C8orf34: variants seen among roughly 807,000 people sequenced by gnomAD.
C8orf34 encodes uncharacterized protein C8orf34.
Under a neutral mutation model 68.3 loss-of-function variants are expected in C8orf34, and 65 were observed. The observed-to-expected ratio is 0.95, with a 90% CI of 0.78 to 1.17. The LOEUF is 1.17. Ranked by LOEUF, C8orf34 falls within the 50% of genes most tolerant of loss-of-function variation. The pLI, the probability that C8orf34 is intolerant of heterozygous loss-of-function variation, is 0.00. For missense variants in C8orf34, 664 were observed against 655.4 expected (o/e 1.01, Z -0.14); for synonymous variants, 244 against 241.2 (o/e 1.01, Z -0.11).
chr8:68,635,204 C>T (rs1818800541), intron 7 of C8orf34, among the ~76,000 whole-genome samples: 1 of 152,122 alleles, frequency 6.6e-6, no homozygotes, highest in South Asian at 2.1e-4. Flanking sequence ...TTACATATGT[C>T]AAACAATCTA....
intron 1 of C8orf34, among the ~76,000 whole-genome samples, chr8:68,385,234 G>C (rs572888690): frequency 1.3e-5 from 2 of 152,176 alleles, no homozygotes; most frequent in East Asian, 3.9e-4. Flanking sequence ...TAGTGATAAG[G>C]ACATGGAGGC....
upstream of C8orf34, among the ~76,000 whole-genome samples, chr8:68,330,536 A>T (rs1805520895): frequency 6.6e-6 from 1 of 152,158 alleles, no homozygotes; most frequent in Admixed American, 6.5e-5. Context: ...GCGCTAGAGT[A>T]GGCAGGGCAG....
chr8:68,539,784 G>A lies in C8orf34; in HGVS notation c.1105+6635G>A, dbSNP rs187391279. Among the ~76,000 whole-genome samples, 3 of 152,102 alleles carry A rather than the reference G, an allele frequency of 2.0e-5. No individual in the cohort carries two copies. In the East Asian group the frequency reaches 5.8e-4, roughly 29 times the overall value. On this transcript the variant is annotated intron_variant, in intron 7 of 13. Transcript: ENST00000518698. ...CAGGAGAATCACTAGAACCTGGGAG[G>A]CAGAGGTTGCAGTGAGCCGAGATTA...
At chr8:68,331,433 A>G in intron 1 of C8orf34, 94 bp downstream of exon 1, 1 of 1,359,298 alleles carries the variant, frequency 7.4e-7, no homozygotes, top group Non-Finnish European at 1.0e-6. Flanking sequence ...CCTCCCAGGG[A>G]AGGAGGGCTA....
chr8:68,350,688 C>A lies in C8orf34; in HGVS notation c.327+19349C>A, dbSNP rs536584094. Among the ~76,000 whole-genome samples, 28 of 151,986 alleles carry A rather than the reference C, an allele frequency of 1.8e-4. 1 individual carries two copies. The Middle Eastern group carries it at 0.01, about 55-fold the overall frequency. On this transcript the variant is annotated intron_variant, in intron 1 of 13. Transcript: ENST00000518698. Reference sequence around the variant, plus strand: ...TTGAACCCTTTACAATTATGTAATGCCCTTCTTTGTCTTTTTTGATGTTTG... The same window carrying A: ...TTGAACCCTTTACAATTATGTAATGACCTTCTTTGTCTTTTTTGATGTTTG...
intron 3 of C8orf34, among the ~76,000 whole-genome samples, chr8:68,464,158 C>T (rs564840198): frequency 1.9e-4 from 29 of 151,980 alleles, no homozygotes; most frequent in South Asian, 1.5e-3. Context: ...ACAGACAAAC[C>T]GAGAGCCAAA....
chr8:68,601,796 A>T (rs1817706779), intron 7 of C8orf34, among the ~76,000 whole-genome samples: 1 of 151,930 alleles, frequency 6.6e-6, no homozygotes. Context: ...ATGAAGACTG[A>T]TTTTCTATTG....
At chr8:68,608,841 A>G (rs1421538165) in intron 7 of C8orf34, among the ~76,000 whole-genome samples, 1 of 152,086 alleles carries the variant, frequency 6.6e-6, no homozygotes, top group Non-Finnish European at 1.5e-5. Context: ...CCAAAATGTT[A>G]ATAGTACGGA....
At chr8:68,523,503 T>C (rs1011694333) in intron 6 of C8orf34, among the ~76,000 whole-genome samples, 2 of 152,158 alleles carry the variant, frequency 1.3e-5, no homozygotes, top group Non-Finnish European at 2.9e-5. Flanking sequence ...TTGTCTTAAT[T>C]TTTTTCAGCT....
chr8:68,525,053 G>A (rs1176613921), intron 6 of C8orf34, among the ~76,000 whole-genome samples: 1 of 152,126 alleles, frequency 6.6e-6, no homozygotes, highest in East Asian at 1.9e-4. Flanking sequence ...TTAGAAATGT[G>A]TATGAAATAT....
intron 7 of C8orf34, among the ~76,000 whole-genome samples, chr8:68,562,173 G>A (rs968474383): frequency 6.6e-6 from 1 of 152,180 alleles, no homozygotes; most frequent in Non-Finnish European, 1.5e-5. Flanking sequence ...CGTGAGTACT[G>A]TGTTGTGGCA....
At chr8:68,727,641 G>T (rs958368976) in intron 10 of C8orf34, among the ~76,000 whole-genome samples, 2 of 152,210 alleles carry the variant, frequency 1.3e-5, no homozygotes, top group Non-Finnish European at 2.9e-5. Flanking sequence ...TATATCTTCC[G>T]AAATCTAGGC....
At chr8:68,543,124 G>A (rs1379158160) in intron 7 of C8orf34, among the ~76,000 whole-genome samples, 3 of 151,910 alleles carry the variant, frequency 2.0e-5, no homozygotes, top group Non-Finnish European at 2.9e-5. Flanking sequence ...CTGCCACTTC[G>A]ATATTCAAAT....
chr8:68,686,310 C>G (rs866588881), intron 8 of C8orf34, among the ~76,000 whole-genome samples: 1 of 151,958 alleles, frequency 6.6e-6, no homozygotes, highest in African/African-American at 2.4e-5. Context: ...AATACTGAAA[C>G]CAGGAAAGGA....
intron 5 of C8orf34, among the ~76,000 whole-genome samples, chr8:68,491,860 T>C (rs925307337): frequency 6.6e-6 from 1 of 152,208 alleles, no homozygotes; most frequent in Admixed American, 6.5e-5. Flanking sequence ...GTACCTTTTA[T>C]ATCTGTATGT....
intron 5 of C8orf34, among the ~76,000 whole-genome samples, chr8:68,489,788 T>G (rs1813233169): frequency 1.3e-5 from 2 of 152,220 alleles, no homozygotes; most frequent in South Asian, 4.1e-4. Context: ...AATTGTATTA[T>G]TTTTACAAAA....
rs137859382 is a variant in C8orf34, at chr8:68,335,618, A to G, written c.327+4279A>G. 1.2e-3 allele frequency among the ~76,000 whole-genome samples: 189 copies of G among 152,276 alleles called. 2 individuals are homozygous for G. The highest frequency in any genetic ancestry group is 4.5e-3 in the African/African-American group (186 of 41,568). ...ATGTTACTTTAATTAACATGTTTCT[A>G]TTACCAGCCCATTTATTTTTCATTT... On this transcript the variant is annotated intron_variant, in intron 1 of 13. Transcript: ENST00000518698.
intron 1 of C8orf34, among the ~76,000 whole-genome samples, chr8:68,337,263 T>C (rs1048710616): frequency 5.9e-5 from 9 of 152,192 alleles, no homozygotes; most frequent in Admixed American, 2.6e-4. Flanking sequence ...GTTCAAGTGA[T>C]GGGATAAAGC....
intron 1 of C8orf34, among the ~76,000 whole-genome samples, chr8:68,386,281 G>C (rs1283533248): frequency 6.6e-6 from 1 of 152,130 alleles, no homozygotes; most frequent in Non-Finnish European, 1.5e-5. Context: ...AAGCTTTATA[G>C]GGATAAATCT....
Sources: allele counts gnomAD v4.1 joint callset (sites outside exome capture counted in the v4.1 genomes callset), GRCh38; gene constraint gnomAD v4.1.1; transcripts MANE v1.5; gene names NCBI Gene and HGNC (gene_info 2026-07-23, HGNC 2026-07-21).